The following DYRK1A variants were observed in gnomAD, a reference collection of about 807,000 sequenced individuals.
The protein encoded by DYRK1A is dual specificity tyrosine phosphorylation regulated kinase 1A.
A neutral mutation model predicts 79.7 loss-of-function variants in DYRK1A; 9 were observed. The observed-to-expected ratio is 0.11, with a 90% confidence interval of 0.07 to 0.20. The LOEUF is 0.20. Among genes scored for constraint, DYRK1A ranks in the 10% least tolerant of loss-of-function variants. The pLI is 1.00. For missense variants in DYRK1A, 622 were observed against 956.0 expected (o/e 0.65, Z 4.61); for synonymous variants, 349 against 329.7 (o/e 1.06, Z -0.63).
At chr21:37,383,168 G>A (rs2049692907) in intron 1 of DYRK1A, among the ~76,000 whole-genome samples, 1 of 152,210 alleles carries the variant, frequency 6.6e-6, no homozygotes, top group Non-Finnish European at 1.5e-5. Context: ...GCGGTATGTA[G>A]AATCTGTATT....
intron 2 of DYRK1A, among the ~76,000 whole-genome samples, chr21:37,472,335 A>G (rs943706971): frequency 6.6e-6 from 1 of 152,196 alleles, no homozygotes; most frequent in African/African-American, 2.4e-5. Context: ...GGTCTGTTGG[A>G]GAAGTCCCTC....
At chr21:37,453,625 C>A (rs1232866803) in intron 2 of DYRK1A, among the ~76,000 whole-genome samples, 2 of 151,884 alleles carry the variant, frequency 1.3e-5, no homozygotes, top group Non-Finnish European at 2.9e-5. Context: ...TTGCTAGTTA[C>A]TTCCCTGAAG....
chr21:37,522,689 T>A lies in DYRK1A; in HGVS notation c.*10158T>A, dbSNP rs1241445780. On this transcript the variant is annotated 3_prime_UTR_variant, in exon 12 of 12. Coordinates refer to ENST00000647188, the MANE Select transcript of DYRK1A (RefSeq NM_001347721.2). ...AATTTGGAGATGTTGAACAGGTTTC[T>A]CTCCGACAATCGTCTCGTTTAATTG... 6.6e-6 allele frequency: 1 copy of A among 152,258 alleles called. No individual in the cohort carries two copies. Among genetic ancestry groups the A allele is most frequent in the Non-Finnish European group, 1.5e-5 (1 of 68,054 alleles). The allele number at this position is 152,258 out of a possible 1,614,324, so 9.4% of individuals were successfully genotyped here.
At chr21:37,402,256 A>G (rs1489330183) in intron 1 of DYRK1A, among the ~76,000 whole-genome samples, 1 of 152,010 alleles carries the variant, frequency 6.6e-6, no homozygotes, top group Non-Finnish European at 1.5e-5. Context: ...CTGTCTTAAC[A>G]CTCTTCGGCA....
chr21:37,478,821 T>C (rs2052495609), intron 4 of DYRK1A, among the ~76,000 whole-genome samples: 1 of 152,242 alleles, frequency 6.6e-6, no homozygotes, highest in Admixed American at 6.5e-5. Flanking sequence ...CTTTTATCTA[T>C]ATCTTTTTAT....
intron 1 of DYRK1A, among the ~76,000 whole-genome samples, chr21:37,388,093 C>G (rs1168596229): frequency 6.8e-6 from 1 of 146,554 alleles, no homozygotes; most frequent in African/African-American, 2.5e-5. Context: ...TGTCCCTCTT[C>G]CCTTTGATTT....
chr21:37,467,268 C>T (rs2052062863), intron 2 of DYRK1A, among the ~76,000 whole-genome samples: 1 of 152,268 alleles, frequency 6.6e-6, no homozygotes, highest in Non-Finnish European at 1.5e-5. Context: ...CAGGATCTTG[C>T]CCTGGGCTAG....
At chr21:37,468,086 A>G (rs1380669867) in intron 2 of DYRK1A, among the ~76,000 whole-genome samples, 2 of 152,104 alleles carry the variant, frequency 1.3e-5, no homozygotes, top group Non-Finnish European at 2.9e-5. Context: ...TGAATCAGGA[A>G]CTTACATGGA....
chr21:37,385,163 T>C (rs73903941), intron 1 of DYRK1A, among the ~76,000 whole-genome samples: 1,594 of 152,278 alleles, frequency 0.01, 21 homozygotes, highest in African/African-American at 0.036. Context: ...AACTTTATTA[T>C]GTAGCAGTAT....
intron 2 of DYRK1A, among the ~76,000 whole-genome samples, chr21:37,431,292 C>T (rs1306214608): frequency 1.3e-5 from 2 of 152,184 alleles, no homozygotes; most frequent in Non-Finnish European, 2.9e-5. Context: ...TGTTTTCAGT[C>T]ACACTTGAAT....
chr21:37,455,471 T>A (rs1283703946), intron 2 of DYRK1A, among the ~76,000 whole-genome samples: 1 of 152,244 alleles, frequency 6.6e-6, no homozygotes, highest in Non-Finnish European at 1.5e-5. Flanking sequence ...TTAATTTCTT[T>A]TTCTGACTTT....
chr21:37,497,838 TAAC>T (rs2053319413), intron 9 of DYRK1A, among the ~76,000 whole-genome samples: 2 of 152,192 alleles, frequency 1.3e-5, no homozygotes, highest in South Asian at 4.1e-4. Context: ...GTGGATATCT[TAAC>T]ATACATTTAA....
intron 1 of DYRK1A, among the ~76,000 whole-genome samples, chr21:37,375,519 C>CTTTTTTTTTTTTT (rs58948987): frequency 2.5e-5 from 2 of 81,458 alleles, no homozygotes; most frequent in African/African-American, 4.5e-5. Flanking sequence ...AGGAATATTA[C>CTTTTTTTTTTTTT]TTTTTTTTTT....
chr21:37,494,280 G>T (rs1192016112), intron 8 of DYRK1A, among the ~76,000 whole-genome samples: 1 of 150,722 alleles, frequency 6.6e-6, no homozygotes, highest in South Asian at 2.1e-4. Context: ...AAATCTTACT[G>T]TGTAAATTAG....
intron 2 of DYRK1A, among the ~76,000 whole-genome samples, chr21:37,433,100 T>C (rs1238425066): frequency 2.0e-5 from 3 of 151,390 alleles, no homozygotes; most frequent in Admixed American, 1.3e-4. Context: ...AGTTAACTAT[T>C]TTAAAACATG....
intron 2 of DYRK1A, chr21:37,430,315 T>C: frequency 7.2e-6 from 7 of 975,448 alleles, no homozygotes; most frequent in Non-Finnish European, 8.5e-6. Flanking sequence ...AAGAACATAG[T>C]GTATTAAGAC....
chr21:37,494,420 C>T (rs1433278866), intron 8 of DYRK1A, among the ~76,000 whole-genome samples: 1 of 152,152 alleles, frequency 6.6e-6, no homozygotes, highest in Non-Finnish European at 1.5e-5. Context: ...CACCTGGTCT[C>T]TCCTTCTCCC....
Position 37,391,090 on chromosome 21 carries a change from A to G in DYRK1A, c.-77+23462A>G, listed in dbSNP as rs1390352557. Among the ~76,000 whole-genome samples the G allele has an allele frequency of 2.0e-5, 3 of 152,096 alleles. No homozygotes were observed. In the East Asian group the frequency reaches 5.8e-4, roughly 29 times the overall value. The stretch of plus-strand genomic sequence containing the variant: ...TAATTATTAAAAGTTTCTTTTATGG[A>G]TTGTGCATTTGTTACCAAATTTCAG... On this transcript the variant is annotated intron_variant, in intron 1 of 11. Transcript: ENST00000647188.
At chr21:37,416,676 AC>A (rs2050348871) in intron 1 of DYRK1A, among the ~76,000 whole-genome samples, 1 of 152,146 alleles carries the variant, frequency 6.6e-6, no homozygotes, top group South Asian at 2.1e-4. Flanking sequence ...TTAGATAATG[AC>A]ATAAGTTTAA....
Sources: allele counts gnomAD v4.1 joint callset (sites outside exome capture counted in the v4.1 genomes callset), GRCh38; gene constraint gnomAD v4.1.1; transcripts MANE v1.5; gene names NCBI Gene and HGNC (gene_info 2026-07-23, HGNC 2026-07-21).